AKR1D1: variants seen among roughly 807,000 people sequenced by gnomAD.
AKR1D1 encodes the protein delta(4)-3-ketosteroid 5-beta-reductase.
Under a neutral mutation model 42.6 loss-of-function variants are expected in AKR1D1, and 32 were observed. The ratio of observed to expected loss-of-function variants is 0.75; its 90% CI spans 0.57 to 1.01. The LOEUF is 1.01. AKR1D1 is among the 50% of genes least tolerant of loss of function. The pLI, the probability that AKR1D1 is intolerant of heterozygous loss-of-function variation, is 0.00. For synonymous variants in AKR1D1, 123 were observed against 135.5 expected (o/e 0.91, Z 0.64); for missense variants, 364 against 402.2 (o/e 0.91, Z 0.81).
At chr7:138,097,244 C>A (rs1436717700) in intron 3 of AKR1D1, among the ~76,000 whole-genome samples, 1 of 152,208 alleles carries the variant, frequency 6.6e-6, no homozygotes. Flanking sequence ...CAGCTCTCCC[C>A]TATTGCATAC....
At chr7:138,090,700 T>C (rs1175450306) in intron 2 of AKR1D1, among the ~76,000 whole-genome samples, 2 of 151,492 alleles carry the variant, frequency 1.3e-5, no homozygotes, top group Non-Finnish European at 2.9e-5. Flanking sequence ...CAAAAAAATC[T>C]GTGAGCAAAA....
At chr7:138,091,930 AT>A (rs1794091661) in intron 3 of AKR1D1, 46 bp downstream of exon 3, 6 of 1,219,458 alleles carry the variant, frequency 4.9e-6, no homozygotes, top group Non-Finnish European at 7.3e-6. Context: ...CCTGGCAACC[AT>A]GAGCCAATAG....
chr7:138,087,554 T>C (rs182363783), intron 1 of AKR1D1, among the ~76,000 whole-genome samples: 1 of 152,336 alleles, frequency 6.6e-6, no homozygotes, highest in East Asian at 1.9e-4. Context: ...AACTGACATA[T>C]AATAAACTGT....
intron 4 of AKR1D1, among the ~76,000 whole-genome samples, chr7:138,100,158 T>C (rs1323706534): frequency 1.7e-5 from 1 of 58,342 alleles, no homozygotes; most frequent in Non-Finnish European, 3.7e-5. Context: ...GCATAATAAA[T>C]AATCCAATAA....
Position 138,088,520 on chromosome 7 carries a change from C to T in AKR1D1, c.94-81C>T, listed in dbSNP as rs562924043. On this transcript the variant is annotated intron_variant, in intron 1 of 8. Transcript: ENST00000242375. ...GTCATTTTAGCTGTAAAGGAATGTA[C>T]ATGCAAAATGTCCTGATTAATGATT... The T allele has an allele frequency of 2.1e-6, 3 of 1,460,598 alleles. No individual in the cohort carries two copies. In the South Asian group the frequency reaches 3.4e-5, roughly 17 times the overall value. The allele number at this position is 1,460,598 out of a possible 1,614,324, so 90.5% of individuals were successfully genotyped here.
chr7:138,090,010 G>A (rs1414945623), intron 2 of AKR1D1, among the ~76,000 whole-genome samples: 1 of 149,722 alleles, frequency 6.7e-6, no homozygotes, highest in South Asian at 2.1e-4. Context: ...GTTGTTATGA[G>A]TTCACATTTA....
In AKR1D1 at chr7:138,114,706, T is replaced by C. The variant is rs1794602308; in HGVS notation, c.938+934T>C. On this transcript the variant is annotated intron_variant, in intron 8 of 8. Coordinates refer to ENST00000242375, the MANE Select transcript of AKR1D1 (RefSeq NM_005989.4). ...AATATATTTGCTATATATGTGTGTA[T>C]AGATATACACACACATATACATATA... Among the ~76,000 whole-genome samples the C allele has an allele frequency of 2.0e-5, 3 of 151,182 alleles. No homozygotes were observed. In the South Asian group the frequency reaches 6.3e-4, roughly 32 times the overall value.
At chr7:138,094,513 TTG>T in intron 3 of AKR1D1, among the ~76,000 whole-genome samples, 1 of 151,446 alleles carries the variant, frequency 6.6e-6, no homozygotes, top group Non-Finnish European at 1.5e-5. Context: ...AGACCCTGTC[TTG>T]GAAAAAAAAA....
chr7:138,087,530 TTTCA>T (rs1793956648), intron 1 of AKR1D1, among the ~76,000 whole-genome samples: 1 of 152,214 alleles, frequency 6.6e-6, no homozygotes, highest in African/African-American at 2.4e-5. Context: ...TTTTCCTCAG[TTTCA>T]TTGAGATATA....
intron 3 of AKR1D1, among the ~76,000 whole-genome samples, chr7:138,093,108 T>G (rs917673859): frequency 3.3e-5 from 5 of 151,448 alleles, no homozygotes; most frequent in Non-Finnish European, 7.4e-5. Context: ...CTCGCTCTGT[T>G]GCCAGGCTGA....
At chr7:138,103,471 A>G (rs1455702680) in intron 4 of AKR1D1, among the ~76,000 whole-genome samples, 2 of 152,160 alleles carry the variant, frequency 1.3e-5, no homozygotes, top group African/African-American at 4.8e-5. Context: ...AAGAAACAGG[A>G]TAAGTGGGAT....
intron 3 of AKR1D1, among the ~76,000 whole-genome samples, chr7:138,093,123 C>T (rs1794116540): frequency 6.8e-6 from 1 of 147,316 alleles, no homozygotes; most frequent in African/African-American, 2.6e-5. Context: ...GGCTGAAGTG[C>T]AGTGGTGCCA....
chr7:138,116,320 G>A (rs1483863332), intron 8 of AKR1D1, among the ~76,000 whole-genome samples: 2 of 152,140 alleles, frequency 1.3e-5, no homozygotes, highest in Non-Finnish European at 2.9e-5. Flanking sequence ...GTAGGGAAGA[G>A]GCATGTGCAC....
intron 3 of AKR1D1, among the ~76,000 whole-genome samples, chr7:138,093,533 C>T (rs1033487310): frequency 1.3e-5 from 2 of 152,122 alleles, no homozygotes; most frequent in Non-Finnish European, 2.9e-5. Context: ...ATATCAGTGT[C>T]TTCCACGTCC....
chr7:138,087,730 C>A (rs1793963557), intron 1 of AKR1D1, among the ~76,000 whole-genome samples: 1 of 152,142 alleles, frequency 6.6e-6, no homozygotes, highest in East Asian at 1.9e-4. Context: ...CCCAGGCAAT[C>A]ACTGATCTAT....
In AKR1D1 at chr7:138,102,499, G is replaced by T. The variant is rs569478438; in HGVS notation, c.457-2808G>T. Among the ~76,000 whole-genome samples the T allele has an allele frequency of 3.3e-5, 5 of 152,286 alleles. No individual in the cohort carries two copies. In the East Asian group the frequency reaches 7.7e-4, roughly 24 times the overall value. On this transcript the variant is annotated intron_variant, in intron 4 of 8. Coordinates refer to ENST00000242375, the MANE Select transcript of AKR1D1 (RefSeq NM_005989.4). Reference sequence around the variant, plus strand: ...GTAGGAGGATCACTTGACCTGGTAGGTTGAGGCTGCAGTGAGCTATACCAC... The same window carrying T: ...GTAGGAGGATCACTTGACCTGGTAGTTTGAGGCTGCAGTGAGCTATACCAC...
chr7:138,112,310 C>T (rs1385440191), intron 7 of AKR1D1, among the ~76,000 whole-genome samples: 1 of 152,040 alleles, frequency 6.6e-6, no homozygotes, highest in Non-Finnish European at 1.5e-5. Flanking sequence ...CTTATGTAAT[C>T]TCATAAATGC....
chr7:138,110,610 G>T (rs551674432), intron 7 of AKR1D1, among the ~76,000 whole-genome samples: 1 of 151,904 alleles, frequency 6.6e-6, no homozygotes, highest in Non-Finnish European at 1.5e-5. Flanking sequence ...AAAATTAGCC[G>T]GGCATGGTCA....
intron 7 of AKR1D1, among the ~76,000 whole-genome samples, chr7:138,109,588 A>G (rs955507956): frequency 1.3e-5 from 2 of 152,190 alleles, no homozygotes; most frequent in African/African-American, 4.8e-5. Flanking sequence ...TGTGCTGAAG[A>G]AGTTAACAGA....
Sources: allele counts gnomAD v4.1 joint callset (sites outside exome capture counted in the v4.1 genomes callset), GRCh38; gene constraint gnomAD v4.1.1; transcripts MANE v1.5; gene names NCBI Gene and HGNC (gene_info 2026-07-23, HGNC 2026-07-21).